The following LYST variants were observed in gnomAD, a reference collection of about 807,000 sequenced individuals.
The protein encoded by LYST is lysosomal trafficking regulator, also known as lysosomal-trafficking regulator.
In LYST, 192 loss-of-function variants were observed where a neutral mutation model predicts 413.6. The observed-to-expected ratio is 0.46, with a 90% CI of 0.41 to 0.52. The LOEUF (loss-of-function observed/expected upper bound fraction) is 0.52, where lower values mean the gene tolerates loss of function less well. Ranked by LOEUF, LYST falls within the 20% of genes least tolerant of loss-of-function variation. The pLI, the probability that LYST is intolerant of heterozygous loss-of-function variation, is 0.00. For missense variants in LYST, 3,815 were observed against 4,499.9 expected (o/e 0.85, Z 4.35); for synonymous variants, 1,525 against 1,567.3 (o/e 0.97, Z 0.64).
intron 50 of LYST, among the ~76,000 whole-genome samples, chr1:235,668,952 C>A (rs181233640): frequency 6.6e-6 from 1 of 152,282 alleles, no homozygotes; most frequent in East Asian, 1.9e-4. Context: ...AGCAAAAATT[C>A]TTTCATATCT....
At chr1:235,864,657 C>T (rs1680284474) in intron 1 of LYST, among the ~76,000 whole-genome samples, 1 of 152,224 alleles carries the variant, frequency 6.6e-6, no homozygotes. Flanking sequence ...TGGGGCCGAG[C>T]GCAGTGGCTC....
chr1:235,805,625 A>T, intron 6 of LYST, 118 bp downstream of exon 6: 1 of 344,584 alleles, frequency 2.9e-6, no homozygotes, highest in Non-Finnish European at 4.8e-6. Flanking sequence ...TATATAACAC[A>T]ATAATATATA....
rs1322536156 is a variant in LYST at position 235,737,855 on chromosome 1, C to T, written c.8359-3196G>A. 2.9e-6 allele frequency: 3 copies of T among 1,035,064 alleles called. No individual in the cohort carries two copies. The African/African-American group carries it at 5.0e-5, about 17-fold the overall frequency. 64.1% of individuals were successfully genotyped at this position (1,035,064 alleles called of 1,614,324 possible). A position where few individuals can be genotyped will look rare whatever the true frequency, so the allele number is the denominator to read the frequency against. On this transcript the variant is annotated intron_variant, in intron 31 of 52. Coordinates refer to ENST00000389793, the MANE Select transcript of LYST (RefSeq NM_000081.4). Reference sequence around the variant, plus strand: ...AAACAGGGAAGGAAACAGCATTTATCCTGCTTTTCCTTGACTGACTGTATT... The same window carrying T: ...AAACAGGGAAGGAAACAGCATTTATTCTGCTTTTCCTTGACTGACTGTATT...
At chr1:235,846,625 G>A (rs1677910984) in intron 1 of LYST, among the ~76,000 whole-genome samples, 1 of 152,026 alleles carries the variant, frequency 6.6e-6, no homozygotes, top group Non-Finnish European at 1.5e-5. Flanking sequence ...TCCAAAAAAT[G>A]ATATAAGAAG....
intron 11 of LYST, 67 bp downstream of exon 11, chr1:235,793,436 C>A: frequency 1.3e-6 from 1 of 759,204 alleles, no homozygotes; most frequent in Non-Finnish European, 2.2e-6. Flanking sequence ...ATTAAAAATA[C>A]ATTCTATTAA....
chr1:235,851,958 C>T (rs1228096447), intron 1 of LYST, among the ~76,000 whole-genome samples: 1 of 152,170 alleles, frequency 6.6e-6, no homozygotes, highest in African/African-American at 2.4e-5. Flanking sequence ...TTATTGACTA[C>T]TCACCATACT....
rs147620801 is a variant in LYST, at chr1:235,830,456, T to C, written c.-7-32A>G. ...AATAAGTATTACAAAAAAAAAAGATTAGGAAAACAAATACAAATTTACTTT... is the reference window on the plus strand; with the variant it reads ...AATAAGTATTACAAAAAAAAAAGATCAGGAAAACAAATACAAATTTACTTT... On this transcript the variant is annotated intron_variant, in intron 2 of 52. Transcript: ENST00000389793. The C allele has an allele frequency of 9.5e-5, 139 of 1,467,558 alleles. No individual in the cohort carries two copies. In the African/African-American group the frequency reaches 1.6e-3, roughly 17 times the overall value. 90.9% of individuals were successfully genotyped at this position (1,467,558 alleles called of 1,614,324 possible).
intron 28 of LYST, among the ~76,000 whole-genome samples, chr1:235,747,981 A>G (rs1666087495): frequency 6.6e-6 from 1 of 152,212 alleles, no homozygotes; most frequent in African/African-American, 2.4e-5. Flanking sequence ...GAAGACTGAT[A>G]AAATAGCAAC....
chr1:235,784,351 AAAAC>A (rs1403988752), intron 14 of LYST, among the ~76,000 whole-genome samples: 5 of 152,234 alleles, frequency 3.3e-5, no homozygotes, highest in Non-Finnish European at 7.3e-5. Context: ...GGTGGGTAAA[AAAAC>A]AGAGTGATAT....
At chr1:235,715,133 T>G in intron 42 of LYST, 68 bp downstream of exon 42, 3 of 1,041,036 alleles carry the variant, frequency 2.9e-6, no homozygotes, top group Non-Finnish European at 4.3e-6. Flanking sequence ...CAGTCCTAAG[T>G]TGTTGTTGTT....
chr1:235,746,243 G>T, intron 29 of LYST, 93 bp downstream of exon 29: 1 of 1,037,170 alleles, frequency 9.6e-7, no homozygotes, highest in Non-Finnish European at 1.5e-6. Flanking sequence ...AAATAATGCT[G>T]CTTAAACATC....
At chr1:235,760,263 T>C (rs1330504398) in intron 22 of LYST, among the ~76,000 whole-genome samples, 1 of 152,134 alleles carries the variant, frequency 6.6e-6, no homozygotes, top group Non-Finnish European at 1.5e-5. Context: ...CTTTGCAGGG[T>C]GGCTTTAAAG....
intron 40 of LYST, among the ~76,000 whole-genome samples, chr1:235,719,488 T>C (rs535692120): frequency 1.3e-5 from 2 of 152,234 alleles, no homozygotes; most frequent in South Asian, 4.1e-4. Flanking sequence ...GCAATAATCA[T>C]CAATGGATGA....
intron 1 of LYST, among the ~76,000 whole-genome samples, chr1:235,850,022 A>G (rs1678344680): frequency 6.6e-6 from 1 of 152,068 alleles, no homozygotes; most frequent in African/African-American, 2.4e-5. Context: ...ATTAGAAAAA[A>G]AAATCTAAAA....
At chr1:235,735,495 C>T (rs1045326217) in intron 31 of LYST, 2 of 152,098 alleles carry the variant, frequency 1.3e-5, no homozygotes, top group East Asian at 1.9e-4. Flanking sequence ...CTAAACCAAA[C>T]GTTCATTCAC....
rs762687293 is a variant in LYST at position 235,733,577 on chromosome 1, A to G, written c.8727T>C (p.Ile2909=). ...GNERKKVIQH[I]RGMYKVDLSA... is the part of the protein sequence containing the mutation. ...TCAAATCTACTTTATACATTCCTCT[A>G]ATATGCTGGATCACCTTTTTTCTCT... Residue 2909 remains isoleucine (I), a synonymous_variant, in exon 34 of 53, where the codon ATT becomes ATC. Transcript: ENST00000389793. The G allele has an allele frequency of 1.2e-5, 20 of 1,613,762 alleles. No homozygotes were observed. Among genetic ancestry groups the G allele is most frequent in the Middle Eastern group, 1.6e-4 (1 of 6,080 alleles).
chr1:235,729,732 T>A (rs1183206510), intron 36 of LYST, 75 bp from the exon 37 acceptor site: 1 of 1,044,212 alleles, frequency 9.6e-7, no homozygotes, highest in East Asian at 2.4e-5. Context: ...TTATTTTACC[T>A]AGTAAAAGAT....
chr1:235,663,900 T>C (rs1243224942), intron 52 of LYST, 84 bp downstream of exon 52: 1 of 1,173,140 alleles, frequency 8.5e-7, no homozygotes, highest in Non-Finnish European at 1.3e-6. Flanking sequence ...CACATTTCTT[T>C]AAGTCTGTGT....
At position 235,664,015 on chromosome 1, in the gene LYST, T is replaced by C; in HGVS notation, c.11236A>G (p.Thr3746Ala). 6.2e-7 allele frequency: 1 copy of C among 1,613,504 alleles called. No homozygotes were observed. Among genetic ancestry groups the C allele is most frequent in the Non-Finnish European group, 8.5e-7 (1 of 1,179,398 alleles). ...ATGGGCTTATTTGATTTGGGAAATGTAATTTCTCTCACAGGCTTTAAGTCC... is the reference window on the plus strand; with the variant it reads ...ATGGGCTTATTTGATTTGGGAAATGCAATTTCTCTCACAGGCTTTAAGTCC... Reference protein sequence around the residue: ...TWDLKPVREITFPKSNKPIIS... With the variant: ...TWDLKPVREIAFPKSNKPIIS... The change falls in exon 52 of 53, where the codon ACA becomes GCA. Residue 3746 changes from threonine to alanine, a missense_variant. Physicochemically the swap from Thr to Ala is moderately conservative, Grantham distance 58 (BLOSUM62 0). Coordinates refer to ENST00000389793, the MANE Select transcript of LYST (RefSeq NM_000081.4). This position sits in a 1 kb window ranked among gnomAD's most constrained non-coding sequence, Gnocchi z 4.5.
Sources: gnomAD v4.1 joint callset for allele counts (sites outside exome capture counted in the v4.1 genomes callset) on GRCh38, gnomAD v4.1.1 for gene constraint, Gnocchi (gnomAD v3.1) non-coding constraint, MANE v1.5 for transcripts, NCBI Gene and HGNC (gene_info 2026-07-23, HGNC 2026-07-21) for gene names.